INPP4B: variants seen among roughly 807,000 people sequenced by gnomAD.
INPP4B encodes the protein inositol polyphosphate 4-phosphatase type II.
In INPP4B, 55 loss-of-function variants were observed where a neutral mutation model predicts 122.5. The observed-to-expected ratio is 0.45, with a 90% CI of 0.36 to 0.56. The LOEUF (loss-of-function observed/expected upper bound fraction) is 0.56, where lower values mean the gene tolerates loss of function less well. Ranked by LOEUF, INPP4B falls within the 20% of genes least tolerant of loss-of-function variation. INPP4B has a pLI of 0.00. For synonymous variants in INPP4B, 403 were observed against 388.7 expected (o/e 1.04, Z -0.43); for missense variants, 1,000 against 1,097.7 (o/e 0.91, Z 1.26).
At chr4:142,672,556 C>T (rs1364009825) in intron 2 of INPP4B, among the ~76,000 whole-genome samples, 3 of 152,040 alleles carry the variant, frequency 2.0e-5, no homozygotes, top group East Asian at 1.9e-4. Flanking sequence ...CTTTATATCT[C>T]CTTTGGCAAA....
intron 1 of INPP4B, among the ~76,000 whole-genome samples, chr4:142,830,571 A>G (rs1049108004): frequency 2.0e-5 from 3 of 152,126 alleles, no homozygotes; most frequent in Non-Finnish European, 2.9e-5. Context: ...CCCTGCTGGA[A>G]GAAAAGAGGC....
intron 2 of INPP4B, among the ~76,000 whole-genome samples, chr4:142,695,056 T>A (rs1344452672): frequency 6.6e-6 from 1 of 152,150 alleles, no homozygotes; most frequent in African/African-American, 2.4e-5. Flanking sequence ...CACAAGTTAA[T>A]GTGCCTACAA....
chr4:142,809,252 A>G lies in INPP4B; in HGVS notation c.-254+36957T>C, dbSNP rs188468721. Among the ~76,000 whole-genome samples the G allele has an allele frequency of 1.3e-3, 196 of 152,270 alleles. 1 individual carries two copies. Among genetic ancestry groups the G allele is most frequent in the South Asian group, 7.9e-3 (38 of 4,828 alleles). On this transcript the variant is annotated intron_variant, in intron 1 of 25. Coordinates refer to ENST00000262992, the MANE Select transcript of INPP4B (RefSeq NM_001101669.3). The stretch of plus-strand genomic sequence containing the variant: ...TTTTTTATTTCTGTGGGTACATAGT[A>G]GGTATATATACTTCCTTCTTATTTA...
At chr4:142,682,154 C>A (rs1005469830) in intron 2 of INPP4B, among the ~76,000 whole-genome samples, 5 of 151,788 alleles carry the variant, frequency 3.3e-5, no homozygotes, top group African/African-American at 1.2e-4. Flanking sequence ...AATGATTTTA[C>A]AAGAAGTTAA....
chr4:142,431,103 G>A (rs1273518017), intron 4 of INPP4B, 66 bp downstream of exon 4: 4 of 1,163,554 alleles, frequency 3.4e-6, no homozygotes, highest in Admixed American at 1.8e-5. Context: ...GTATGTATGT[G>A]TAAGTTTCAT....
intron 2 of INPP4B, among the ~76,000 whole-genome samples, chr4:142,569,879 C>A (rs1453072045): frequency 1.3e-5 from 2 of 151,666 alleles, no homozygotes; most frequent in African/African-American, 4.8e-5. Flanking sequence ...ACAAATGCCA[C>A]CTCTCATACA....
intron 2 of INPP4B, among the ~76,000 whole-genome samples, chr4:142,584,882 C>T (rs1735834863): frequency 6.6e-6 from 1 of 152,122 alleles, no homozygotes; most frequent in Non-Finnish European, 1.5e-5. Flanking sequence ...TAGCTACTCT[C>T]CCACGTTTAT....
rs548571092 is a variant in INPP4B, at chr4:142,692,581, G to A, written c.-191+33258C>T. On this transcript the variant is annotated intron_variant, in intron 2 of 25. Coordinates refer to ENST00000262992, the MANE Select transcript of INPP4B (RefSeq NM_001101669.3). ...AAAGGTTAAATTAAAGGGACACAAA[G>A]TAATGTTATAGCTATTCTTTCGAGC... is the stretch of plus-strand genomic sequence containing the variant. 5.9e-5 allele frequency among the ~76,000 whole-genome samples: 9 copies of A among 152,298 alleles called. No individual in the cohort carries two copies. In the South Asian group the frequency reaches 1.9e-3, roughly 32 times the overall value.
chr4:142,275,821 A>C (rs975862831), intron 9 of INPP4B, among the ~76,000 whole-genome samples: 1 of 151,644 alleles, frequency 6.6e-6, no homozygotes, highest in Non-Finnish European at 1.5e-5. Flanking sequence ...TCACCTTCAG[A>C]CATTCCATCC....
chr4:142,742,216 C>T (rs977613129), intron 1 of INPP4B, among the ~76,000 whole-genome samples: 8 of 152,068 alleles, frequency 5.3e-5, no homozygotes, highest in African/African-American at 1.7e-4. Flanking sequence ...GGACAGCCCA[C>T]AGCCAAAGCA....
In INPP4B at chr4:142,025,093, G is replaced by A. The variant is rs1736622356; in HGVS notation, c.*3689C>T. The A allele has an allele frequency of 6.6e-6, 1 of 151,554 alleles. No homozygotes were observed. Among genetic ancestry groups the A allele is most frequent in the Admixed American group, 6.6e-5 (1 of 15,208 alleles). The allele number at this position is 151,554 out of a possible 1,614,324, so 9.4% of individuals were successfully genotyped here. Reference sequence around the variant, plus strand: ...AATTTATTTCCTAATAAAAAAAAAAGAATATGGCATTCATTGTGTGCTGGT... The same window carrying A: ...AATTTATTTCCTAATAAAAAAAAAAAAATATGGCATTCATTGTGTGCTGGT... On this transcript the variant is annotated 3_prime_UTR_variant, in exon 26 of 26. Transcript: ENST00000262992.
At chr4:142,474,704 G>A (rs867640887) in intron 2 of INPP4B, among the ~76,000 whole-genome samples, 10 of 152,066 alleles carry the variant, frequency 6.6e-5, no homozygotes, top group Non-Finnish European at 8.8e-5. Flanking sequence ...CTTCCAGCCC[G>A]GCAGTCCCAC....
intron 2 of INPP4B, among the ~76,000 whole-genome samples, chr4:142,503,904 A>G (rs1823691509): frequency 6.6e-6 from 1 of 152,058 alleles, no homozygotes; most frequent in African/African-American, 2.4e-5. Flanking sequence ...GTATCTAAAA[A>G]TTATTTATTC....
chr4:142,669,818 T>C (rs1333888569), intron 2 of INPP4B, among the ~76,000 whole-genome samples: 1 of 152,118 alleles, frequency 6.6e-6, no homozygotes, highest in African/African-American at 2.4e-5. Context: ...ATGGCTATTA[T>C]CAAAAATAAG....
At chr4:142,195,226 C>T (rs920900132) in intron 14 of INPP4B, among the ~76,000 whole-genome samples, 2 of 152,088 alleles carry the variant, frequency 1.3e-5, no homozygotes, top group African/African-American at 2.4e-5. Context: ...ATGAGGTTTT[C>T]AAAATAGTCA....
chr4:142,704,540 G>T (rs964276909), intron 2 of INPP4B, among the ~76,000 whole-genome samples: 6 of 151,994 alleles, frequency 3.9e-5, no homozygotes, highest in African/African-American at 1.2e-4. Context: ...ACATTCACAG[G>T]CTTCTACACA....
chr4:142,136,942 G>C (rs1804699186), intron 18 of INPP4B, among the ~76,000 whole-genome samples: 1 of 152,160 alleles, frequency 6.6e-6, no homozygotes, highest in Non-Finnish European at 1.5e-5. Context: ...TCAATATCGT[G>C]AAAATGGCCA....
chr4:142,345,517 A>G (rs893673180), intron 7 of INPP4B, among the ~76,000 whole-genome samples: 1 of 152,024 alleles, frequency 6.6e-6, no homozygotes, highest in Non-Finnish European at 1.5e-5. Context: ...GGGTGTAGTT[A>G]TATCACTCAA....
At chr4:142,118,432 G>C (rs1467254748) in intron 21 of INPP4B, among the ~76,000 whole-genome samples, 1 of 152,054 alleles carries the variant, frequency 6.6e-6, no homozygotes, top group Non-Finnish European at 1.5e-5. Flanking sequence ...CATGGTACTG[G>C]TACCAAAACA....
Sources: gnomAD v4.1 joint callset for allele counts (sites outside exome capture counted in the v4.1 genomes callset) on GRCh38, gnomAD v4.1.1 for gene constraint, MANE v1.5 for transcripts, NCBI Gene and HGNC (gene_info 2026-07-23, HGNC 2026-07-21) for gene names.